The following ZNF215 variants were observed in gnomAD, a reference collection of about 807,000 sequenced individuals.
The protein encoded by ZNF215 is zinc finger protein 215.
Under a neutral mutation model 27.2 loss-of-function variants are expected in ZNF215, and 24 were observed. The observed-to-expected ratio is 0.88, with a 90% CI of 0.64 to 1.24. The LOEUF is 1.24. Ranked by LOEUF, ZNF215 falls within the 50% of genes most tolerant of loss-of-function variation. ZNF215 has a pLI of 0.00. For missense variants in ZNF215, 675 were observed against 605.7 expected, an observed-to-expected ratio of 1.11 and a Z score of -1.20; for synonymous variants, 210 against 204.0, an observed-to-expected ratio of 1.03 and a Z score of -0.25.
At chr11:6,936,821 G>A (rs527509619) in intron 3 of ZNF215, among the ~76,000 whole-genome samples, 3 of 150,224 alleles carry the variant, frequency 2.0e-5, no homozygotes, top group Non-Finnish European at 4.5e-5. Context: ...AGTGAAAGGG[G>A]AAAAATTACA....
intron 6 of ZNF215, among the ~76,000 whole-genome samples, chr11:6,954,301 A>C (rs951196692): frequency 6.6e-6 from 1 of 152,194 alleles, no homozygotes; most frequent in Non-Finnish European, 1.5e-5. Flanking sequence ...TGCAGAGGTT[A>C]CTGCTGTCTT....
chr11:6,936,212 T>TGGTA (rs1300947459), intron 3 of ZNF215, among the ~76,000 whole-genome samples: 1 of 152,040 alleles, frequency 6.6e-6, no homozygotes. Flanking sequence ...AACTGAAAGT[T>TGGTA]GGTACTTTGA....
chr11:6,943,391 T>A (rs959202519), intron 5 of ZNF215, among the ~76,000 whole-genome samples, 155 bp from the exon 6 acceptor site: 1 of 152,198 alleles, frequency 6.6e-6, no homozygotes, highest in Non-Finnish European at 1.5e-5. Flanking sequence ...CTTTCTGATA[T>A]TGAGCCAGAG....
chr11:6,955,235 G>T (rs1361090759), intron 6 of ZNF215, among the ~76,000 whole-genome samples: 4 of 152,122 alleles, frequency 2.6e-5, no homozygotes, highest in Non-Finnish European at 4.4e-5. Flanking sequence ...GCTTTTAGCT[G>T]GTTAAGGTAT....
chr11:6,941,452 T>A (rs1849627922), intron 3 of ZNF215, 119 bp from the exon 4 acceptor site: 4 of 806,372 alleles, frequency 5.0e-6, no homozygotes, highest in Non-Finnish European at 7.6e-6. Context: ...GGCCTGACAT[T>A]ATTTTTTTCA....
At position 6,956,344 on chromosome 11, in the gene ZNF215, A is replaced by AT; in HGVS notation, c.1371dup (p.Gly458TrpfsTer9). 1 of 1,614,162 alleles carries AT rather than the reference A, an allele frequency of 6.2e-7. No individual in the cohort carries two copies. The highest frequency in any genetic ancestry group is 8.5e-7 in the Non-Finnish European group (1 of 1,180,010). ...GAAGACAGTAATAATCCAACACTCCATTTTGGAAACAATTTCTATCAATGT... is the reference window on the plus strand; with the variant it reads ...GAAGACAGTAATAATCCAACACTCCATTTTTGGAAACAATTTCTATCAATGT... On this transcript the variant is annotated frameshift_variant, in exon 7 of 7. Transcript: ENST00000278319. LOFTEE classifies it low-confidence loss of function (END_TRUNC).
chr11:6,969,735 T>A (rs774898762), intron 5 of ZNF215, among the ~76,000 whole-genome samples: 2 of 152,190 alleles, frequency 1.3e-5, no homozygotes, highest in African/African-American at 4.8e-5. Context: ...TTAAACTACA[T>A]ACTAAGGCTC....
chr11:6,976,897 G>A (rs1325244368), intron 5 of ZNF215, among the ~76,000 whole-genome samples: 2 of 152,048 alleles, frequency 1.3e-5, no homozygotes, highest in Non-Finnish European at 2.9e-5. Flanking sequence ...TCAGACGTCT[G>A]AAATCAGTTT....
At chr11:6,953,357 C>T (rs1433768040) in intron 6 of ZNF215, among the ~76,000 whole-genome samples, 2 of 152,226 alleles carry the variant, frequency 1.3e-5, no homozygotes, top group East Asian at 1.9e-4. Flanking sequence ...TTTTCCCCGT[C>T]ACTTTCAGAT....
At chr11:6,953,380 C>T (rs1373139938) in intron 6 of ZNF215, among the ~76,000 whole-genome samples, 3 of 152,212 alleles carry the variant, frequency 2.0e-5, no homozygotes, top group South Asian at 2.1e-4. Flanking sequence ...ACCAATCAGA[C>T]GTAGATTTGG....
chr11:6,933,070 TAA>T (rs1417231788), intron 3 of ZNF215, among the ~76,000 whole-genome samples: 1 of 152,224 alleles, frequency 6.6e-6, no homozygotes. Flanking sequence ...CTGCAAAGTC[TAA>T]AATATTTGTT....
rs1426646237 is a variant in ZNF215, at chr11:6,957,236, T to C, written c.*705T>C. 21 of 970,672 alleles carry C rather than the reference T, an allele frequency of 2.2e-5. No individual in the cohort carries two copies. The highest frequency in any genetic ancestry group is 6.2e-5 in the Admixed American group (1 of 16,246). The allele number at this position is 970,672 out of a possible 1,614,324, so 60.1% of individuals were successfully genotyped here. A position where few individuals can be genotyped will look rare whatever the true frequency, so the allele number is the denominator to read the frequency against. ...AATGTTATAATTGTTATGATGTTGATGAGAAAAATATCGATTCCCAGCCAG... is the reference window on the plus strand; with the variant it reads ...AATGTTATAATTGTTATGATGTTGACGAGAAAAATATCGATTCCCAGCCAG... On this transcript the variant is annotated 3_prime_UTR_variant, in exon 7 of 7. Transcript: ENST00000278319.
chr11:6,933,955 A>G (rs1849353129), intron 3 of ZNF215, among the ~76,000 whole-genome samples: 1 of 152,188 alleles, frequency 6.6e-6, no homozygotes, highest in Non-Finnish European at 1.5e-5. Context: ...AGTATGGCAA[A>G]GTGATATAGA....
intron 3 of ZNF215, among the ~76,000 whole-genome samples, chr11:6,934,046 C>T (rs1491825): frequency 0.98 from 148,690 of 152,258 alleles, 72,705 homozygotes; most frequent in Middle Eastern, 1. Context: ...AACTGGATAT[C>T]TGATGAGGAA....
chr11:6,948,879 C>G (rs1162423477), intron 6 of ZNF215, among the ~76,000 whole-genome samples: 1 of 146,322 alleles, frequency 6.8e-6, no homozygotes. Flanking sequence ...GGGTATATCT[C>G]CTAATGCTAT....
chr11:6,964,565 T>C (rs1332179847), intron 5 of ZNF215, among the ~76,000 whole-genome samples: 1 of 152,028 alleles, frequency 6.6e-6, no homozygotes, highest in Admixed American at 6.6e-5. Context: ...GTTATGTCAG[T>C]CCATTTCTGG....
chr11:6,954,914 GAA>G (rs2133291420), intron 6 of ZNF215, among the ~76,000 whole-genome samples: 2 of 152,258 alleles, frequency 1.3e-5, no homozygotes, highest in African/African-American at 4.8e-5. Context: ...AAAATTGCTA[GAA>G]TATAGAGTAT....
intron 6 of ZNF215, among the ~76,000 whole-genome samples, chr11:6,950,854 A>T (rs189197284): frequency 0.17 from 23,719 of 142,666 alleles, 2,182 homozygotes; most frequent in Middle Eastern, 0.22. Context: ...ATTCAGTATG[A>T]TATTGGCTGT....
At chr11:6,940,035 C>A (rs926625114) in intron 3 of ZNF215, among the ~76,000 whole-genome samples, 4 of 148,564 alleles carry the variant, frequency 2.7e-5, no homozygotes, top group African/African-American at 1.0e-4. Flanking sequence ...CCAGCCTGGG[C>A]AGCATTGAAA....
Sources: allele counts gnomAD v4.1 joint callset (sites outside exome capture counted in the v4.1 genomes callset), GRCh38; gene constraint gnomAD v4.1.1; transcripts MANE v1.5; gene names NCBI Gene and HGNC (gene_info 2026-07-23, HGNC 2026-07-21).